Variants in IQCJ observed in about 807,000 individuals in gnomAD.
IQCJ encodes IQ domain-containing protein J.
A neutral mutation model predicts 11.0 loss-of-function variants in IQCJ; 9 were observed. The observed-to-expected ratio is 0.82, with a 90% CI of 0.49 to 1.43. The LOEUF is 1.43. Ranked by LOEUF, IQCJ falls within the 40% of genes most tolerant of loss-of-function variation. The probability of loss-of-function intolerance (pLI) is 0.00; values close to 1 mark genes in which losing one functional copy is unlikely to be tolerated. For missense variants in IQCJ, 146 were observed against 133.2 expected, an observed-to-expected ratio of 1.10 and a Z score of -0.47; for synonymous variants, 55 against 51.3, an observed-to-expected ratio of 1.07 and a Z score of -0.31.
intron 1 of IQCJ, among the ~76,000 whole-genome samples, chr3:159,102,112 A>G (rs1257196183): frequency 6.6e-6 from 1 of 152,232 alleles, no homozygotes; most frequent in East Asian, 1.9e-4. Context: ...ACCTAAAATG[A>G]TTCCTTTTAC....
At chr3:159,206,844 T>C (rs569243715) in intron 1 of IQCJ, among the ~76,000 whole-genome samples, 2 of 152,212 alleles carry the variant, frequency 1.3e-5, no homozygotes, top group Non-Finnish European at 2.9e-5. Flanking sequence ...TAATCACATA[T>C]AAAGTAAAGG....
chr3:159,151,045 A>G (rs1721185423), intron 1 of IQCJ, among the ~76,000 whole-genome samples: 1 of 152,020 alleles, frequency 6.6e-6, no homozygotes, highest in African/African-American at 2.4e-5. Flanking sequence ...GGTAGTGGGG[A>G]TAGAATCAAT....
At chr3:159,152,885 CA>C (rs1019643188) in intron 1 of IQCJ, among the ~76,000 whole-genome samples, 1 of 152,102 alleles carries the variant, frequency 6.6e-6, no homozygotes, top group Non-Finnish European at 1.5e-5. Flanking sequence ...AAAGAATCTG[CA>C]AAAAGATGAG....
intron 3 of IQCJ, among the ~76,000 whole-genome samples, chr3:159,260,641 T>C (rs1167435872): frequency 6.6e-6 from 1 of 152,166 alleles, no homozygotes; most frequent in Admixed American, 6.5e-5. Context: ...CAGGCAATCT[T>C]ATGGGACTCC....
chr3:159,130,732 G>C (rs1449082646), intron 1 of IQCJ, among the ~76,000 whole-genome samples: 1 of 152,112 alleles, frequency 6.6e-6, no homozygotes, highest in Admixed American at 6.5e-5. Context: ...GGTGAGCAAG[G>C]GTAGATTAAT....
At chr3:159,076,945 A>G (rs1022807585) in intron 1 of IQCJ, among the ~76,000 whole-genome samples, 1 of 152,052 alleles carries the variant, frequency 6.6e-6, no homozygotes, top group Non-Finnish European at 1.5e-5. Context: ...ATTATAGGAG[A>G]CTTAAGGTAT....
At chr3:159,249,103 G>A (rs567175709) in intron 2 of IQCJ, among the ~76,000 whole-genome samples, 1 of 152,106 alleles carries the variant, frequency 6.6e-6, no homozygotes, top group Non-Finnish European at 1.5e-5. Flanking sequence ...TAATCCACCC[G>A]CCTTGGCCTC....
intron 1 of IQCJ, among the ~76,000 whole-genome samples, chr3:159,206,530 T>C (rs777921286): frequency 1.3e-5 from 2 of 152,218 alleles, no homozygotes; most frequent in Non-Finnish European, 2.9e-5. Flanking sequence ...CCCTGGCTGA[T>C]TATTCAGGGT....
At chr3:159,251,732 T>A (rs1307935177) in intron 2 of IQCJ, among the ~76,000 whole-genome samples, 1 of 152,128 alleles carries the variant, frequency 6.6e-6, no homozygotes, top group Non-Finnish European at 1.5e-5. Flanking sequence ...ATAATCCTGA[T>A]ATTAAAATAC....
intron 1 of IQCJ, among the ~76,000 whole-genome samples, chr3:159,179,511 T>A (rs1408400576): frequency 6.6e-6 from 1 of 151,496 alleles, no homozygotes; most frequent in Non-Finnish European, 1.5e-5. Flanking sequence ...GCAGTTACTT[T>A]AGGGAAAATA....
At position 159,211,478 on chromosome 3, in the gene IQCJ, T is replaced by C. The variant is rs181055508; in HGVS notation, c.10-34365T>C. On this transcript the variant is annotated intron_variant, in intron 1 of 3. Transcript: ENST00000397832. ...TTCTTTTCCCTCTCAAAGGTGTCCC[T>C]CACATTGGTCACTCTGTAGATGAGG... 4.6e-5 allele frequency among the ~76,000 whole-genome samples: 7 copies of C among 152,324 alleles called. No homozygotes were observed. The East Asian group carries it at 1.4e-3, about 29-fold the overall frequency.
At chr3:159,265,139 A>AGTT, downstream of IQCJ, 1 of 1,232,872 alleles carries the variant, frequency 8.1e-7, no homozygotes, top group Non-Finnish European at 1.1e-6. Flanking sequence ...TCCAAGTCAC[A>AGTT]GTTTAAAAGA....
intron 1 of IQCJ, among the ~76,000 whole-genome samples, chr3:159,211,793 A>G (rs1185632873): frequency 1.3e-5 from 2 of 152,052 alleles, no homozygotes; most frequent in Non-Finnish European, 2.9e-5. Flanking sequence ...CAGTTTTGAA[A>G]GGAATGCTAG....
At position 159,263,647 on chromosome 3, in the gene IQCJ, G is replaced by T; in HGVS notation, c.*916G>T. On this transcript the variant is annotated 3_prime_UTR_variant, in exon 4 of 4. Coordinates refer to ENST00000397832, the MANE Select transcript of IQCJ (RefSeq NM_001042706.3). ...TATCATGTTTATTCTGTGGTAAAAA[G>T]GTTTCCCAACACTCAACGCAATGTA... 2.0e-6 allele frequency: 2 copies of T among 985,272 alleles called. No homozygotes were observed. Among genetic ancestry groups the T allele is most frequent in the Non-Finnish European group, 2.4e-6 (2 of 829,860 alleles). 61.0% of individuals were successfully genotyped at this position (985,272 alleles called of 1,614,324 possible).
chr3:159,215,639 G>A (rs1725182853), intron 1 of IQCJ, among the ~76,000 whole-genome samples: 1 of 152,112 alleles, frequency 6.6e-6, no homozygotes, highest in Non-Finnish European at 1.5e-5. Context: ...CATAGTAGGA[G>A]AGAGAAGTCA....
chr3:159,164,066 A>C (rs1458641175), intron 1 of IQCJ, among the ~76,000 whole-genome samples: 1 of 152,238 alleles, frequency 6.6e-6, no homozygotes, highest in Non-Finnish European at 1.5e-5. Context: ...ATGAATTCAA[A>C]GTATAATTGT....
chr3:159,200,209 T>C (rs957755982), intron 1 of IQCJ, among the ~76,000 whole-genome samples: 5 of 150,818 alleles, frequency 3.3e-5, no homozygotes, highest in South Asian at 4.2e-4. Context: ...GTGGATAACA[T>C]TGAGATTCAT....
chr3:159,229,343 A>G (rs1726053765), intron 1 of IQCJ, among the ~76,000 whole-genome samples: 1 of 152,244 alleles, frequency 6.6e-6, no homozygotes, highest in South Asian at 2.1e-4. Context: ...TGTCATGCAT[A>G]TAACAGTCAG....
At chr3:159,115,832 T>G (rs112734115) in intron 1 of IQCJ, among the ~76,000 whole-genome samples, 42,486 of 151,960 alleles carry the variant, frequency 0.28, 7,093 homozygotes, top group Non-Finnish European at 0.39. Flanking sequence ...CACCACATGT[T>G]CTCACTCATA....
Sources: gnomAD v4.1 joint callset for allele counts (sites outside exome capture counted in the v4.1 genomes callset) on GRCh38, gnomAD v4.1.1 for gene constraint, MANE v1.5 for transcripts, NCBI Gene and HGNC (gene_info 2026-07-23, HGNC 2026-07-21) for gene names.